The following CSMD1 variants were observed in gnomAD, a reference collection of about 807,000 sequenced individuals.
The protein encoded by CSMD1 is CUB and Sushi multiple domains 1, also known as CUB and sushi domain-containing protein 1.
CSMD1 carries 213 observed loss-of-function variants against 417.5 expected under a neutral mutation model. The observed-to-expected ratio is 0.51, with a 90% CI of 0.46 to 0.57. The LOEUF (loss-of-function observed/expected upper bound fraction) is 0.57, where lower values mean the gene tolerates loss of function less well. CSMD1 is among the 20% of genes least tolerant of loss of function. The probability of loss-of-function intolerance (pLI) is 0.00; values close to 1 mark genes in which losing one functional copy is unlikely to be tolerated. For missense variants in CSMD1, 6,923 were observed against 4,529.7 expected (o/e 1.53, Z -15.17); for synonymous variants, 2,862 against 1,736.8 (o/e 1.65, Z -16.11).
intron 48 of CSMD1, among the ~76,000 whole-genome samples, chr8:3,088,766 C>T (rs1814715924): frequency 6.9e-6 from 1 of 145,466 alleles, no homozygotes; most frequent in Middle Eastern, 3.5e-3. Context: ...TTTGAATGAA[C>T]CAAAATACTT....
At chr8:4,298,857 G>T (rs1387727404) in intron 3 of CSMD1, among the ~76,000 whole-genome samples, 1 of 151,734 alleles carries the variant, frequency 6.6e-6, no homozygotes, top group Non-Finnish European at 1.5e-5. Flanking sequence ...TGGAAATACT[G>T]GTATAATTCT....
chr8:4,710,019 A>C (rs1284369155), intron 1 of CSMD1, among the ~76,000 whole-genome samples: 1 of 152,214 alleles, frequency 6.6e-6, no homozygotes, highest in Non-Finnish European at 1.5e-5. Context: ...ATCACTTGAT[A>C]GTTCAAATAG....
intron 1 of CSMD1, among the ~76,000 whole-genome samples, chr8:4,937,784 G>A (rs373044461): frequency 6.7e-6 from 1 of 149,530 alleles, no homozygotes; most frequent in Non-Finnish European, 1.5e-5. Flanking sequence ...AGTGGCGCGT[G>A]CACACACACA....
At chr8:4,160,472 G>A (rs1360633124) in intron 3 of CSMD1, among the ~76,000 whole-genome samples, 5 of 152,152 alleles carry the variant, frequency 3.3e-5, no homozygotes, top group Non-Finnish European at 1.5e-5. Flanking sequence ...TTGGTCATGT[G>A]TCTTCATGAG....
At chr8:4,632,518 T>TA (rs1440057516) in intron 2 of CSMD1, among the ~76,000 whole-genome samples, 1 of 151,344 alleles carries the variant, frequency 6.6e-6, no homozygotes, top group Non-Finnish European at 1.5e-5. Flanking sequence ...ATCATGGGGG[T>TA]AGGGGGAGCA....
intron 3 of CSMD1, among the ~76,000 whole-genome samples, chr8:4,047,103 C>T (rs1280105792): frequency 2.0e-5 from 3 of 152,096 alleles, no homozygotes; most frequent in Admixed American, 6.5e-5. Context: ...GGCATTGAAG[C>T]TGTGGCTTCA....
At chr8:3,956,900 A>G (rs899399705) in intron 5 of CSMD1, among the ~76,000 whole-genome samples, 1 of 152,190 alleles carries the variant, frequency 6.6e-6, no homozygotes, top group African/African-American at 2.4e-5. Flanking sequence ...TTATCTCTGC[A>G]TTGTTGCAAA....
intron 5 of CSMD1, among the ~76,000 whole-genome samples, chr8:3,908,577 C>G (rs1808261040): frequency 6.6e-6 from 1 of 152,282 alleles, no homozygotes; most frequent in South Asian, 2.1e-4. Context: ...ACATTTGCCT[C>G]TCCCTTGTTT....
intron 63 of CSMD1, 60 bp from the exon 64 acceptor site, chr8:2,955,828 A>G (rs1487032507): frequency 6.8e-7 from 1 of 1,479,958 alleles, no homozygotes; most frequent in Non-Finnish European, 9.3e-7. Context: ...ACATGTGTCT[A>G]GAGAAATTAA....
At chr8:3,298,844 C>A (rs182741728) in intron 25 of CSMD1, among the ~76,000 whole-genome samples, 2 of 152,184 alleles carry the variant, frequency 1.3e-5, no homozygotes, top group African/African-American at 4.8e-5. Context: ...GAATAGAGCT[C>A]AAAGGTCTAT....
intron 1 of CSMD1, among the ~76,000 whole-genome samples, chr8:4,733,725 G>A (rs912492420): frequency 7.9e-5 from 12 of 152,158 alleles, no homozygotes; most frequent in Admixed American, 6.5e-4. Flanking sequence ...AAAGAAGTAT[G>A]TAGGAACCCA....
At chr8:4,057,138 T>A (rs954834311) in intron 3 of CSMD1, among the ~76,000 whole-genome samples, 9 of 152,196 alleles carry the variant, frequency 5.9e-5, no homozygotes, top group African/African-American at 1.7e-4. Context: ...TTGAACTAGT[T>A]TACAGTCCCA....
intron 5 of CSMD1, among the ~76,000 whole-genome samples, chr8:3,953,269 G>A (rs567272705): frequency 1.3e-5 from 2 of 152,028 alleles, no homozygotes; most frequent in South Asian, 2.1e-4. Flanking sequence ...TTTTTACCCT[G>A]GATTAAGAGA....
chr8:3,497,622 C>G (rs1432747180), intron 10 of CSMD1, among the ~76,000 whole-genome samples: 1 of 152,144 alleles, frequency 6.6e-6, no homozygotes, highest in African/African-American at 2.4e-5. Flanking sequence ...GCTATTCCTG[C>G]TAGTTTTTGG....
chr8:4,099,795 G>T (rs1431494497), intron 3 of CSMD1, among the ~76,000 whole-genome samples: 1 of 152,070 alleles, frequency 6.6e-6, no homozygotes, highest in East Asian at 1.9e-4. Context: ...GATAGTACTG[G>T]GAAGGCTACT....
chr8:4,284,020 G>T (rs913559129), intron 3 of CSMD1, among the ~76,000 whole-genome samples: 11 of 152,204 alleles, frequency 7.2e-5, no homozygotes, highest in African/African-American at 2.6e-4. Flanking sequence ...ATCACTTGAG[G>T]TCAGGAATTC....
At chr8:4,327,382 A>T (rs1563059057) in intron 3 of CSMD1, among the ~76,000 whole-genome samples, 1 of 152,058 alleles carries the variant, frequency 6.6e-6, no homozygotes, top group Non-Finnish European at 1.5e-5. Flanking sequence ...AAATGGGGAG[A>T]CTCTGCTAAT....
At chr8:4,550,803 C>A (rs1439138997) in intron 2 of CSMD1, among the ~76,000 whole-genome samples, 1 of 152,170 alleles carries the variant, frequency 6.6e-6, no homozygotes, top group Non-Finnish European at 1.5e-5. Flanking sequence ...CAGTGCTCTA[C>A]AAACCACCAC....
intron 1 of CSMD1, among the ~76,000 whole-genome samples, chr8:4,954,733 C>T (rs923113340): frequency 6.6e-6 from 1 of 152,086 alleles, no homozygotes; most frequent in Admixed American, 6.6e-5. Flanking sequence ...TATGCAGAGA[C>T]TGGAGGATAA....
Sources: allele counts gnomAD v4.1 joint callset (sites outside exome capture counted in the v4.1 genomes callset), GRCh38; gene constraint gnomAD v4.1.1; transcripts MANE v1.5; gene names NCBI Gene and HGNC (gene_info 2026-07-23, HGNC 2026-07-21).